PLCL2: variants seen among roughly 807,000 people sequenced by gnomAD.
The protein encoded by PLCL2 is phospholipase C like 2.
PLCL2 carries 4 observed loss-of-function variants against 79.6 expected under a neutral mutation model. The ratio of observed to expected loss-of-function variants is 0.05; its 90% confidence interval spans 0.02 to 0.11. The LOEUF is 0.11. Among genes scored for constraint, PLCL2 ranks in the 10% least tolerant of loss-of-function variants. The pLI, the probability that PLCL2 is intolerant of heterozygous loss-of-function variation, is 1.00. For missense variants in PLCL2, 895 were observed against 1,291.0 expected (o/e 0.69, Z 4.70); for synonymous variants, 484 against 457.7 (o/e 1.06, Z -0.73).
chr3:16,992,640 G>C (rs186577232), intron 1 of PLCL2, among the ~76,000 whole-genome samples: 135 of 152,332 alleles, frequency 8.9e-4, no homozygotes, highest in African/African-American at 3.0e-3. Flanking sequence ...AGCAAGAGCA[G>C]GATCCTGCAT....
chr3:16,934,678 T>C (rs1396375231), intron 1 of PLCL2, among the ~76,000 whole-genome samples: 2 of 152,112 alleles, frequency 1.3e-5, no homozygotes, highest in Non-Finnish European at 2.9e-5. Flanking sequence ...TGGGATGCTA[T>C]GTAGGAAGCT....
At chr3:17,068,493 G>A (rs2065031774) in intron 5 of PLCL2, among the ~76,000 whole-genome samples, 1 of 152,084 alleles carries the variant, frequency 6.6e-6, no homozygotes, top group Admixed American at 6.6e-5. Context: ...GAAATAAATA[G>A]AAAAGAATTG....
intron 3 of PLCL2, among the ~76,000 whole-genome samples, chr3:17,016,439 C>T (rs2124894981): frequency 6.6e-6 from 1 of 152,306 alleles, no homozygotes; most frequent in African/African-American, 2.4e-5. Flanking sequence ...AAGCAAACTA[C>T]ATAGAGTGGC....
At chr3:16,924,345 A>G (rs1019256080) in intron 1 of PLCL2, among the ~76,000 whole-genome samples, 2 of 152,332 alleles carry the variant, frequency 1.3e-5, no homozygotes, top group South Asian at 4.1e-4. Flanking sequence ...ATTCTTTATC[A>G]TATATGTCCA....
intron 1 of PLCL2, among the ~76,000 whole-genome samples, chr3:16,912,556 G>C (rs376867725): frequency 6.6e-6 from 1 of 152,158 alleles, no homozygotes. Context: ...ATATTAGTTT[G>C]CTTTACCATT....
At chr3:16,932,594 T>G (rs1465433540) in intron 1 of PLCL2, among the ~76,000 whole-genome samples, 1 of 152,208 alleles carries the variant, frequency 6.6e-6, no homozygotes, top group African/African-American at 2.4e-5. Context: ...TCTGCTGAAT[T>G]TTCTCTCTCT....
At chr3:17,050,105 G>A (rs935077123) in intron 4 of PLCL2, among the ~76,000 whole-genome samples, 8 of 152,128 alleles carry the variant, frequency 5.3e-5, no homozygotes, top group South Asian at 2.1e-4. Context: ...TCAGTAAATC[G>A]TGCAGGGAAA....
chr3:16,939,897 T>C (rs568950801), intron 1 of PLCL2, among the ~76,000 whole-genome samples: 13 of 152,224 alleles, frequency 8.5e-5, no homozygotes, highest in East Asian at 3.9e-4. Context: ...CTTCCGGGCA[T>C]TGGGGGAACA....
At chr3:17,078,755 T>C (rs1476605942) in intron 5 of PLCL2, among the ~76,000 whole-genome samples, 3 of 152,242 alleles carry the variant, frequency 2.0e-5, no homozygotes, top group Non-Finnish European at 2.9e-5. Context: ...ACTTAAAGAC[T>C]GGCATTTGTT....
rs1224578315 is a variant in PLCL2, at chr3:16,986,151, A to G, written c.328-23523A>G. Among the ~76,000 whole-genome samples, 4 of 152,026 alleles carry G rather than the reference A, an allele frequency of 2.6e-5. No individual in the cohort carries two copies. In the East Asian group the frequency reaches 7.7e-4, roughly 29 times the overall value. On this transcript the variant is annotated intron_variant, in intron 1 of 5. Transcript: ENST00000615277. ...AACTGAGGAAAAAAAATGACTAGAA[A>G]TGATGTTGGACTACTTATAGCTTTG...
intron 3 of PLCL2, among the ~76,000 whole-genome samples, chr3:17,018,808 A>C (rs1055281079): frequency 1.3e-5 from 2 of 152,212 alleles, no homozygotes; most frequent in Admixed American, 1.3e-4. Context: ...TGATGAATTC[A>C]ACACCCATTT....
At chr3:16,945,249 CACACACACACACAT>C (rs1331572914) in intron 1 of PLCL2, among the ~76,000 whole-genome samples, 1 of 151,910 alleles carries the variant, frequency 6.6e-6, no homozygotes, top group Non-Finnish European at 1.5e-5. Flanking sequence ...TACACACACA[CACACACACACACAT>C]ACACACACAT....
At chr3:17,059,926 A>G (rs966075088) in intron 4 of PLCL2, among the ~76,000 whole-genome samples, 2 of 152,234 alleles carry the variant, frequency 1.3e-5, no homozygotes, top group African/African-American at 4.8e-5. Flanking sequence ...CTTGTATGTT[A>G]TGGTAATCAT....
chr3:17,059,344 A>C (rs1245287725), intron 4 of PLCL2, among the ~76,000 whole-genome samples: 2 of 148,958 alleles, frequency 1.3e-5, no homozygotes, highest in Non-Finnish European at 1.5e-5. Flanking sequence ...GCACCACTGC[A>C]CTCCAGCCTA....
intron 1 of PLCL2, among the ~76,000 whole-genome samples, chr3:16,990,584 A>G (rs1348447691): frequency 6.6e-6 from 1 of 152,220 alleles, no homozygotes; most frequent in African/African-American, 2.4e-5. Flanking sequence ...CCTTTCCAGT[A>G]ATTCCAGTAA....
intron 1 of PLCL2, among the ~76,000 whole-genome samples, chr3:16,923,357 A>T (rs184463647): frequency 1.2e-4 from 19 of 152,374 alleles, no homozygotes; most frequent in Admixed American, 3.9e-4. Context: ...GTTGCAGCAC[A>T]GCTGCAAAAG....
intron 5 of PLCL2, among the ~76,000 whole-genome samples, chr3:17,070,663 A>G (rs2065052781): frequency 1.3e-5 from 2 of 152,130 alleles, no homozygotes; most frequent in Non-Finnish European, 1.5e-5. Flanking sequence ...CTGACAGGGA[A>G]TCTTGAACGT....
At chr3:16,944,950 G>A (rs185702273) in intron 1 of PLCL2, among the ~76,000 whole-genome samples, 9 of 152,016 alleles carry the variant, frequency 5.9e-5, no homozygotes, top group Admixed American at 5.2e-4. Flanking sequence ...AGTAGAGACG[G>A]GGTTTCACCA....
intron 1 of PLCL2, among the ~76,000 whole-genome samples, chr3:16,921,809 TTTGA>T (rs1697130342): frequency 6.6e-6 from 1 of 152,230 alleles, no homozygotes; most frequent in Admixed American, 6.5e-5. Context: ...CAAGAAAGAA[TTTGA>T]TTGTGAAGGG....
Sources: allele counts gnomAD v4.1 joint callset (sites outside exome capture counted in the v4.1 genomes callset), GRCh38; gene constraint gnomAD v4.1.1; transcripts MANE v1.5; gene names NCBI Gene and HGNC (gene_info 2026-07-23, HGNC 2026-07-21).